The following EPHA3 variants were observed in gnomAD, a reference collection of about 807,000 sequenced individuals.
EPHA3 encodes the protein ephrin type-A receptor 3.
EPHA3 carries 42 observed loss-of-function variants against 107.1 expected under a neutral mutation model. That is an observed-to-expected ratio of 0.39 (90% confidence interval 0.31 to 0.51). EPHA3 has a LOEUF of 0.51. Ranked by LOEUF, EPHA3 falls within the 20% of genes least tolerant of loss-of-function variation. The pLI is 0.78. For missense variants in EPHA3, 1,183 were observed against 1,211.2 expected, an observed-to-expected ratio of 0.98 and a Z score of 0.35; for synonymous variants, 461 against 424.8, an observed-to-expected ratio of 1.09 and a Z score of -1.05.
intron 5 of EPHA3, among the ~76,000 whole-genome samples, chr3:89,359,820 T>TAC (rs1193910295): frequency 7.0e-6 from 1 of 143,694 alleles, no homozygotes; most frequent in Admixed American, 7.3e-5. Context: ...TACATATATA[T>TAC]ACATATATAT....
chr3:89,456,153 T>C (rs946794146), intron 15 of EPHA3, among the ~76,000 whole-genome samples: 3 of 152,186 alleles, frequency 2.0e-5, no homozygotes, highest in African/African-American at 7.2e-5. Context: ...ACATTGATCA[T>C]ATGGTAAAAG....
chr3:89,448,195 G>A (rs1709915144), intron 13 of EPHA3, among the ~76,000 whole-genome samples: 1 of 152,136 alleles, frequency 6.6e-6, no homozygotes, highest in Non-Finnish European at 1.5e-5. Context: ...ATCACATGGA[G>A]ATTGTTGGAA....
At chr3:89,378,629 A>C (rs925146081) in intron 5 of EPHA3, among the ~76,000 whole-genome samples, 1 of 152,188 alleles carries the variant, frequency 6.6e-6, no homozygotes, top group Non-Finnish European at 1.5e-5. Flanking sequence ...GTTTGAGAAC[A>C]CTTGCTCTAT....
intron 2 of EPHA3, 34 bp from the exon 3 acceptor site, chr3:89,209,826 C>G: frequency 6.5e-7 from 1 of 1,529,190 alleles, no homozygotes; most frequent in African/African-American, 1.4e-5. Context: ...ATCATTAATT[C>G]TGCCTCACTC....
At chr3:89,276,887 C>A (rs1450027223) in intron 3 of EPHA3, among the ~76,000 whole-genome samples, 5 of 152,076 alleles carry the variant, frequency 3.3e-5, no homozygotes, top group Admixed American at 2.6e-4. Flanking sequence ...ATCATAGCAA[C>A]TTTTCTCTTA....
At chr3:89,116,855 C>A (rs1415243475) in intron 1 of EPHA3, among the ~76,000 whole-genome samples, 1 of 151,918 alleles carries the variant, frequency 6.6e-6, no homozygotes, top group Non-Finnish European at 1.5e-5. Context: ...CCAGAGAATT[C>A]ATGTCAATTA....
rs149709552 is a variant in EPHA3 at position 89,440,618 on chromosome 3, C to T, written c.2347-8607C>T. Among the ~76,000 whole-genome samples, 171 of 152,280 alleles carry T rather than the reference C, an allele frequency of 1.1e-3. 5 individuals carry two copies. In the East Asian group the frequency reaches 0.028, roughly 25 times the overall value. ...GTCTCATTGAACTGTCTAAATTCAT[C>T]GAGCTTAGGGAACTGAATTGCAGAA... On this transcript the variant is annotated intron_variant, in intron 13 of 16. Coordinates refer to ENST00000336596, the MANE Select transcript of EPHA3 (RefSeq NM_005233.6).
At chr3:89,328,767 C>G (rs1354997769) in intron 3 of EPHA3, among the ~76,000 whole-genome samples, 7 of 152,100 alleles carry the variant, frequency 4.6e-5, no homozygotes, top group Admixed American at 3.9e-4. Context: ...GAGATAATAC[C>G]AGTCTCACAT....
At chr3:89,356,123 G>T in intron 5 of EPHA3, among the ~76,000 whole-genome samples, 1 of 150,406 alleles carries the variant, frequency 6.6e-6, no homozygotes, top group East Asian at 2.0e-4. Context: ...TGAGAATGAT[G>T]ATTTCCAATT....
chr3:89,330,479 G>A (rs144266982), intron 3 of EPHA3, among the ~76,000 whole-genome samples: 261 of 151,702 alleles, frequency 1.7e-3, no homozygotes, highest in Admixed American at 3.7e-3. Context: ...AATAAATTTC[G>A]AAAAATAAAG....
At chr3:89,470,991 G>A (rs1710389802) in intron 15 of EPHA3, among the ~76,000 whole-genome samples, 2 of 152,110 alleles carry the variant, frequency 1.3e-5, no homozygotes, top group Admixed American at 1.3e-4. Context: ...ATGAAAACAA[G>A]GGCCTTAAAA....
intron 2 of EPHA3, among the ~76,000 whole-genome samples, chr3:89,195,408 T>G (rs1393139746): frequency 6.6e-6 from 1 of 152,104 alleles, no homozygotes; most frequent in African/African-American, 2.4e-5. Flanking sequence ...AAGCTTCATT[T>G]TGTCTCATCT....
At chr3:89,113,519 G>GAT (rs1386265141) in intron 1 of EPHA3, among the ~76,000 whole-genome samples, 1 of 88,846 alleles carries the variant, frequency 1.1e-5, no homozygotes, top group Non-Finnish European at 2.9e-5. Flanking sequence ...AAAAAGAGGG[G>GAT]AGGGTGGTCG....
chr3:89,296,924 C>G (rs903901415), intron 3 of EPHA3, among the ~76,000 whole-genome samples: 7 of 152,126 alleles, frequency 4.6e-5, no homozygotes, highest in African/African-American at 1.4e-4. Flanking sequence ...TTATATTATG[C>G]AGATAGCTTC....
intron 3 of EPHA3, among the ~76,000 whole-genome samples, chr3:89,333,890 A>T (rs1038111967): frequency 6.6e-6 from 1 of 152,128 alleles, no homozygotes; most frequent in African/African-American, 2.4e-5. Context: ...AGAAAAAAAA[A>T]AATAAAAAAC....
chr3:89,398,150 A>T (rs1385670992), intron 6 of EPHA3, among the ~76,000 whole-genome samples: 1 of 152,184 alleles, frequency 6.6e-6, no homozygotes, highest in Non-Finnish European at 1.5e-5. Context: ...GATTAACAGT[A>T]TATGTAATGT....
intron 4 of EPHA3, among the ~76,000 whole-genome samples, chr3:89,341,466 T>C (rs1458303532): frequency 2.0e-5 from 3 of 152,122 alleles, no homozygotes; most frequent in Non-Finnish European, 4.4e-5. Flanking sequence ...AATACTAAAG[T>C]TTTCATAACT....
intron 2 of EPHA3, among the ~76,000 whole-genome samples, chr3:89,186,548 C>G (rs536968544): frequency 6.6e-6 from 1 of 152,164 alleles, no homozygotes; most frequent in African/African-American, 2.4e-5. Flanking sequence ...GAAGTATTTT[C>G]TGATGTTTAT....
intron 5 of EPHA3, among the ~76,000 whole-genome samples, chr3:89,372,497 T>C (rs1376608943): frequency 2.0e-5 from 3 of 151,718 alleles, no homozygotes; most frequent in Non-Finnish European, 4.4e-5. Flanking sequence ...GCAATTGGCA[T>C]ATGTGCCACT....
Sources: gnomAD v4.1 joint callset for allele counts (sites outside exome capture counted in the v4.1 genomes callset) on GRCh38, gnomAD v4.1.1 for gene constraint, MANE v1.5 for transcripts, NCBI Gene and HGNC (gene_info 2026-07-23, HGNC 2026-07-21) for gene names.